Variants in ZFPM2 observed in about 807,000 individuals in gnomAD.
ZFPM2 encodes the protein zinc finger protein, FOG family member 2.
ZFPM2 carries 20 observed loss-of-function variants against 98.6 expected under a neutral mutation model. The ratio of observed to expected loss-of-function variants is 0.20; its 90% CI spans 0.14 to 0.29. The LOEUF is 0.29. ZFPM2 is among the 10% of genes least tolerant of loss of function. The pLI is 1.00. For synonymous variants in ZFPM2, 518 were observed against 502.7 expected, an observed-to-expected ratio of 1.03 and a Z score of -0.41; for missense variants, 1,310 against 1,388.6, an observed-to-expected ratio of 0.94 and a Z score of 0.90.
chr8:105,460,617 G>T (rs1812686744), intron 3 of ZFPM2, among the ~76,000 whole-genome samples: 1 of 152,048 alleles, frequency 6.6e-6, no homozygotes. Flanking sequence ...AGAAATTTGG[G>T]TAAAATGAAA....
chr8:105,490,757 A>G (rs549586578), intron 3 of ZFPM2, among the ~76,000 whole-genome samples: 1 of 152,304 alleles, frequency 6.6e-6, no homozygotes, highest in South Asian at 2.1e-4. Flanking sequence ...GGCTGAGTAA[A>G]TAAGTGCTTG....
At chr8:105,376,142 A>G (rs1399430772) in intron 1 of ZFPM2, among the ~76,000 whole-genome samples, 1 of 152,074 alleles carries the variant, frequency 6.6e-6, no homozygotes, top group East Asian at 1.9e-4. Context: ...CATTTAGACA[A>G]ATCCAATCTT....
At chr8:105,419,041 T>C in intron 1 of ZFPM2, 103 bp from the exon 2 acceptor site, 1 of 1,044,134 alleles carries the variant, frequency 9.6e-7, no homozygotes, top group East Asian at 2.5e-5. Flanking sequence ...TTAGAGTATA[T>C]TATTTTTCTC....
chr8:105,331,723 A>T (rs1812237237), intron 1 of ZFPM2, among the ~76,000 whole-genome samples: 1 of 151,756 alleles, frequency 6.6e-6, no homozygotes, highest in African/African-American at 2.4e-5. Context: ...GGTTTTCATG[A>T]GCTTCTCAAT....
intron 5 of ZFPM2, among the ~76,000 whole-genome samples, chr8:105,700,010 T>A (rs1345557516): frequency 6.6e-6 from 1 of 152,218 alleles, no homozygotes; most frequent in Non-Finnish European, 1.5e-5. Context: ...TGTATGATTT[T>A]GCCTACTGTG....
intron 1 of ZFPM2, among the ~76,000 whole-genome samples, chr8:105,341,458 T>C (rs990695481): frequency 6.6e-6 from 1 of 151,814 alleles, no homozygotes; most frequent in African/African-American, 2.4e-5. Context: ...ACATTAAAAA[T>C]ATATACTATT....
In ZFPM2 at chr8:105,641,299, G is replaced by A. The variant is rs141808325; in HGVS notation, c.532+6942G>A. On this transcript the variant is annotated intron_variant, in intron 5 of 7. Transcript: ENST00000407775. ...CATTAAGAAAATTATTAATGATGGT[G>A]GTATAACAGTAATTGATTGCAGAGC... Among the ~76,000 whole-genome samples, 355 of 152,070 alleles carry A rather than the reference G, an allele frequency of 2.3e-3. 1 individual carries two copies. The highest frequency in any genetic ancestry group is 3.9e-3 in the Non-Finnish European group (264 of 67,924).
chr8:105,753,881 A>G (rs1405583205), intron 5 of ZFPM2, among the ~76,000 whole-genome samples: 1 of 152,170 alleles, frequency 6.6e-6, no homozygotes, highest in Non-Finnish European at 1.5e-5. Flanking sequence ...TGAATTTTGT[A>G]CTGCTGTTTC....
intron 4 of ZFPM2, among the ~76,000 whole-genome samples, chr8:105,562,160 A>AG (rs1439849682): frequency 6.6e-6 from 1 of 151,838 alleles, no homozygotes; most frequent in Non-Finnish European, 1.5e-5. Context: ...ACAAAAAAAA[A>AG]TTAGCCAGAC....
At chr8:105,622,595 G>A (rs1424489761) in intron 4 of ZFPM2, among the ~76,000 whole-genome samples, 1 of 152,094 alleles carries the variant, frequency 6.6e-6, no homozygotes, top group Non-Finnish European at 1.5e-5. Context: ...TGCTCCATTA[G>A]TTGCCCCAGG....
rs934885904 is a variant in ZFPM2, at chr8:105,685,564, C to G, written c.532+51207C>G. ...ATTTTTTATGACACTTTATGAGGAA[C>G]AAATTTGACTTTTTTTTCCCAGCAA... On this transcript the variant is annotated intron_variant, in intron 5 of 7. Transcript: ENST00000407775. Among the ~76,000 whole-genome samples the G allele has an allele frequency of 5.9e-5, 9 of 151,858 alleles. No individual in the cohort carries two copies. The South Asian group carries it at 8.3e-4, about 14-fold the overall frequency.
chr8:105,653,123 A>G (rs1284751331), intron 5 of ZFPM2, among the ~76,000 whole-genome samples: 2 of 152,204 alleles, frequency 1.3e-5, no homozygotes, highest in African/African-American at 4.8e-5. Context: ...ATAAGAAACA[A>G]AAACGAAGTA....
chr8:105,799,043 C>G lies in ZFPM2; in HGVS notation c.964+95C>G, dbSNP rs1813922228. 5.3e-6 allele frequency: 6 copies of G among 1,128,884 alleles called. No homozygotes were observed. In the South Asian group the frequency reaches 8.1e-5, roughly 15 times the overall value. The allele number at this position is 1,128,884 out of a possible 1,614,324, so 69.9% of individuals were successfully genotyped here. On this transcript the variant is annotated intron_variant, in intron 7 of 7. Transcript: ENST00000407775. ...CATGTATACGTCTATATCTGTCTAT[C>G]TGTAGCTATCTATAACATCAAAATC...
chr8:105,439,809 T>C (rs1278525776), intron 2 of ZFPM2, among the ~76,000 whole-genome samples: 3 of 152,346 alleles, frequency 2.0e-5, no homozygotes, highest in South Asian at 2.1e-4. Flanking sequence ...TTCTTTACCA[T>C]TGGGGAGAAC....
At chr8:105,395,409 C>T (rs538343304) in intron 1 of ZFPM2, among the ~76,000 whole-genome samples, 2 of 152,224 alleles carry the variant, frequency 1.3e-5, no homozygotes, top group African/African-American at 4.8e-5. Context: ...TGCATTAGAA[C>T]ACTAACCCCA....
chr8:105,460,492 G>A (rs1586388917), intron 3 of ZFPM2, among the ~76,000 whole-genome samples: 1 of 152,110 alleles, frequency 6.6e-6, no homozygotes, highest in Non-Finnish European at 1.5e-5. Context: ...AGAGGAAAAG[G>A]CATTCCAGCA....
chr8:105,730,280 G>A (rs1811899845), intron 5 of ZFPM2, among the ~76,000 whole-genome samples: 1 of 151,716 alleles, frequency 6.6e-6, no homozygotes, highest in Non-Finnish European at 1.5e-5. Context: ...AAGTAAGACA[G>A]TTTTGATATT....
At chr8:105,378,541 A>G (rs1810776693) in intron 1 of ZFPM2, among the ~76,000 whole-genome samples, 1 of 152,204 alleles carries the variant, frequency 6.6e-6, no homozygotes, top group South Asian at 2.1e-4. Flanking sequence ...TCTGTTCCAC[A>G]TAATTTTCTA....
intron 4 of ZFPM2, among the ~76,000 whole-genome samples, chr8:105,587,500 C>T (rs1815748910): frequency 6.6e-6 from 1 of 151,894 alleles, no homozygotes; most frequent in Non-Finnish European, 1.5e-5. Flanking sequence ...GAATGTATGC[C>T]AAATACCAAA....
Sources: gnomAD v4.1 joint callset for allele counts (sites outside exome capture counted in the v4.1 genomes callset) on GRCh38, gnomAD v4.1.1 for gene constraint, MANE v1.5 for transcripts, NCBI Gene and HGNC (gene_info 2026-07-23, HGNC 2026-07-21) for gene names.